TRPM3: variants seen among roughly 807,000 people sequenced by gnomAD.
TRPM3 encodes long transient receptor potential channel 3.
A neutral mutation model predicts 181.2 loss-of-function variants in TRPM3; 77 were observed. The observed-to-expected ratio is 0.42, with a 90% CI of 0.35 to 0.51. TRPM3 has a LOEUF of 0.51. Ranked by LOEUF, TRPM3 falls within the 20% of genes least tolerant of loss-of-function variation. The pLI, the probability that TRPM3 is intolerant of heterozygous loss-of-function variation, is 0.01. For synonymous variants in TRPM3, 745 were observed against 796.4 expected (o/e 0.94, Z 1.09); for missense variants, 1,759 against 2,196.7 (o/e 0.80, Z 3.98).
intron 9 of TRPM3, among the ~76,000 whole-genome samples, chr9:70,665,626 A>G (rs1186640271): frequency 6.6e-6 from 1 of 152,218 alleles, no homozygotes; most frequent in East Asian, 1.9e-4. Context: ...TATACACAAT[A>G]TGCAAAGCTG....
At chr9:71,279,218 T>C (rs998344257) in intron 1 of TRPM3, among the ~76,000 whole-genome samples, 9 of 152,050 alleles carry the variant, frequency 5.9e-5, no homozygotes, top group Non-Finnish European at 1.3e-4. Flanking sequence ...CCAAAATGCG[T>C]ACACAGACAG....
At chr9:71,278,060 ATG>A (rs2084365161) in intron 1 of TRPM3, among the ~76,000 whole-genome samples, 1 of 152,234 alleles carries the variant, frequency 6.6e-6, no homozygotes, top group African/African-American at 2.4e-5. Flanking sequence ...AGCTGCTCGG[ATG>A]TGTATCACCT....
At chr9:70,815,700 A>C (rs147988058) in intron 6 of TRPM3, among the ~76,000 whole-genome samples, 29 of 152,154 alleles carry the variant, frequency 1.9e-4, no homozygotes, top group African/African-American at 6.8e-4. Context: ...GATACTCGGC[A>C]TATTATGGAA....
chr9:71,101,306 A>T (rs540494422), intron 1 of TRPM3, among the ~76,000 whole-genome samples: 54 of 152,282 alleles, frequency 3.5e-4, no homozygotes, highest in African/African-American at 1.3e-3. Context: ...CTCCACAGTC[A>T]GTCGCTCTTG....
intron 1 of TRPM3, among the ~76,000 whole-genome samples, chr9:70,950,444 C>T (rs2992998): frequency 0.75 from 114,238 of 152,158 alleles, 43,189 homozygotes; most frequent in African/African-American, 0.79. Flanking sequence ...ACATATTATG[C>T]GCTCCTGACA....
At chr9:70,870,237 C>A (rs2095759337) in intron 1 of TRPM3, among the ~76,000 whole-genome samples, 1 of 152,042 alleles carries the variant, frequency 6.6e-6, no homozygotes, top group Non-Finnish European at 1.5e-5. Flanking sequence ...CCTGAGCCAT[C>A]TTTTTAGCCC....
chr9:71,293,607 A>G (rs772963703), intron 1 of TRPM3, among the ~76,000 whole-genome samples: 256 of 46,608 alleles, frequency 5.5e-3, no homozygotes, highest in African/African-American at 6.1e-3. Flanking sequence ...ACATTTGTGG[A>G]AAAAAAAAAG....
At chr9:71,214,833 C>A (rs1221905360) in intron 1 of TRPM3, among the ~76,000 whole-genome samples, 1 of 152,228 alleles carries the variant, frequency 6.6e-6, no homozygotes, top group East Asian at 1.9e-4. Context: ...CCTTCCCCAT[C>A]CTGTTGACCT....
intron 1 of TRPM3, among the ~76,000 whole-genome samples, chr9:70,908,444 T>C (rs1197742989): frequency 2.0e-5 from 3 of 152,174 alleles, no homozygotes; most frequent in African/African-American, 7.2e-5. Flanking sequence ...TTTGAAAACA[T>C]TGTGAGCTAT....
chr9:70,604,964 C>CTTCTTTTTTT (rs146874864), intron 19 of TRPM3, among the ~76,000 whole-genome samples: 3,189 of 129,932 alleles, frequency 0.025, 124 homozygotes, highest in Middle Eastern at 0.051. Flanking sequence ...ATGGATTCTT[C>CTTCTTTTTTT]TTTTTTTTTG....
chr9:70,697,912 A>C (rs372180334), intron 8 of TRPM3, among the ~76,000 whole-genome samples: 13 of 152,288 alleles, frequency 8.5e-5, no homozygotes, highest in African/African-American at 2.9e-4. Flanking sequence ...CTATAGCCCC[A>C]TTAAGAAGTT....
chr9:71,396,981 A>AG (rs1554890661), intron 1 of TRPM3, among the ~76,000 whole-genome samples: 1 of 151,872 alleles, frequency 6.6e-6, no homozygotes, highest in African/African-American at 2.4e-5. Flanking sequence ...AAAAAAAAAA[A>AG]ATTAAGCCTT....
At chr9:71,244,300 C>T (rs1402315786) in intron 1 of TRPM3, among the ~76,000 whole-genome samples, 1 of 151,996 alleles carries the variant, frequency 6.6e-6, no homozygotes, top group Non-Finnish European at 1.5e-5. Flanking sequence ...GAGCTGGGGT[C>T]CCTTTGACCT....
At chr9:70,567,016 C>T (rs141465587) in intron 22 of TRPM3, among the ~76,000 whole-genome samples, 163 of 152,316 alleles carry the variant, frequency 1.1e-3, no homozygotes, top group African/African-American at 3.6e-3. Flanking sequence ...TTCTTACTGA[C>T]GACATCAGGG....
intron 22 of TRPM3, among the ~76,000 whole-genome samples, chr9:70,569,307 C>A (rs2051536687): frequency 6.6e-6 from 1 of 152,172 alleles, no homozygotes. Context: ...CTATGTGCAC[C>A]TACCTTGACT....
intron 6 of TRPM3, among the ~76,000 whole-genome samples, chr9:70,822,671 C>G (rs1162804517): frequency 6.6e-6 from 1 of 151,838 alleles, no homozygotes; most frequent in East Asian, 1.9e-4. Context: ...TTTAAGGAAA[C>G]TGAATTGCAC....
chr9:71,212,100 A>G (rs1158167432), intron 1 of TRPM3, among the ~76,000 whole-genome samples: 1 of 151,998 alleles, frequency 6.6e-6, no homozygotes, highest in Non-Finnish European at 1.5e-5. Flanking sequence ...AGCTGATTTC[A>G]TGGTTTTTTT....
chr9:71,006,365 A>G (rs573696981), intron 1 of TRPM3, among the ~76,000 whole-genome samples: 3 of 152,306 alleles, frequency 2.0e-5, no homozygotes, highest in Admixed American at 6.5e-5. Context: ...AATGTAAATG[A>G]ATTAAATTCT....
chr9:71,145,205 C>A (rs1011521579), intron 1 of TRPM3, among the ~76,000 whole-genome samples: 1 of 151,930 alleles, frequency 6.6e-6, no homozygotes, highest in Non-Finnish European at 1.5e-5. Flanking sequence ...ATTGTGAAGT[C>A]AAAAAGGATA....
Sources: allele counts gnomAD v4.1 joint callset (sites outside exome capture counted in the v4.1 genomes callset), GRCh38; gene constraint gnomAD v4.1.1; transcripts MANE v1.5; gene names NCBI Gene and HGNC (gene_info 2026-07-23, HGNC 2026-07-21).